DAB1: variants seen among roughly 807,000 people sequenced by gnomAD.
DAB1 encodes disabled homolog 1.
Under a neutral mutation model 64.6 loss-of-function variants are expected in DAB1, and 15 were observed. The observed-to-expected ratio is 0.23, with a 90% CI of 0.16 to 0.36. The LOEUF is 0.36. Ranked by LOEUF, DAB1 falls within the 10% of genes least tolerant of loss-of-function variation. The probability of loss-of-function intolerance (pLI) is 1.00; values close to 1 mark genes in which losing one functional copy is unlikely to be tolerated. For missense variants in DAB1, 596 were observed against 706.7 expected, an observed-to-expected ratio of 0.84 and a Z score of 1.78; for synonymous variants, 235 against 251.9, an observed-to-expected ratio of 0.93 and a Z score of 0.64.
chr1:58,002,667 GTATATATA>G (rs138608788), intron 5 of DAB1, among the ~76,000 whole-genome samples: 2 of 148,720 alleles, frequency 1.3e-5, no homozygotes, highest in Non-Finnish European at 3.0e-5. Context: ...AACACAAGGT[GTATATATA>G]TATATAGAGA....
chr1:57,955,612 T>C (rs1645374466), intron 5 of DAB1, among the ~76,000 whole-genome samples: 1 of 152,088 alleles, frequency 6.6e-6, no homozygotes. Flanking sequence ...ATATGCTTTT[T>C]ACAAATAAGA....
rs10659663 is a variant in DAB1, at chr1:57,430,377, A to ATTTT, written n.626-139215_626-139212dup. ...TACATAAAGCTCTCAAGTTAATACA[A>ATTTT]TTTTTTTTTTTTTTTTGAGACGGAG... is the stretch of plus-strand genomic sequence containing the variant. On this transcript the variant is annotated intron_variant and non_coding_transcript_variant, in intron 7 of 20. Coordinates refer to the DAB1 transcript ENST00000485760. Among the ~76,000 whole-genome samples, 299 of 141,888 alleles carry ATTTT rather than the reference A, an allele frequency of 2.1e-3. 1 individual carries two copies. Among genetic ancestry groups the ATTTT allele is most frequent in the East Asian group, 5.8e-3 (28 of 4,828 alleles). 93.1% of individuals were successfully genotyped at this position (141,888 alleles called of 152,430 possible).
intron 6 of DAB1, among the ~76,000 whole-genome samples, chr1:57,671,177 T>C (rs1462952661): frequency 6.6e-6 from 1 of 152,156 alleles, no homozygotes; most frequent in Non-Finnish European, 1.5e-5. Flanking sequence ...ACTGTGTTTA[T>C]AAAATTTGGT....
At chr1:58,064,177 G>A (rs150321623) in intron 5 of DAB1, among the ~76,000 whole-genome samples, 8 of 152,144 alleles carry the variant, frequency 5.3e-5, no homozygotes, top group African/African-American at 9.7e-5. Context: ...ACGGGGCCTC[G>A]TAGCGCACAT....
At chr1:57,177,319 G>A (rs1488664146) in intron 2 of DAB1, among the ~76,000 whole-genome samples, 1 of 152,078 alleles carries the variant, frequency 6.6e-6, no homozygotes, top group Non-Finnish European at 1.5e-5. Flanking sequence ...TCATCTTTGA[G>A]CACTCCCATG....
intron 5 of DAB1, among the ~76,000 whole-genome samples, chr1:57,979,794 G>A (rs1304859766): frequency 6.6e-6 from 1 of 152,100 alleles, no homozygotes; most frequent in Non-Finnish European, 1.5e-5. Context: ...CTGCAGGTTG[G>A]TTATGTGTCC....
intron 6 of DAB1, among the ~76,000 whole-genome samples, chr1:57,659,712 A>G (rs1016415067): frequency 2.6e-5 from 4 of 152,106 alleles, no homozygotes; most frequent in Non-Finnish European, 5.9e-5. Context: ...GTGGTGGCTC[A>G]CATCTGTAAT....
At chr1:58,296,861 ATCT>A (rs773886069) in intron 4 of DAB1, among the ~76,000 whole-genome samples, 6 of 152,178 alleles carry the variant, frequency 3.9e-5, no homozygotes, top group Non-Finnish European at 7.3e-5. Flanking sequence ...TCTCCATTAT[ATCT>A]TTCAAACAGA....
chr1:57,305,478 G>T (rs1266395067), intron 1 of DAB1, among the ~76,000 whole-genome samples: 1 of 152,194 alleles, frequency 6.6e-6, no homozygotes, highest in East Asian at 1.9e-4. Flanking sequence ...GTCCACACAG[G>T]TCAGCTTCCC....
rs113722255 is a variant in DAB1, at chr1:58,204,203, T to C, written n.310-53615A>G. Among the ~76,000 whole-genome samples the C allele has an allele frequency of 2.8e-4, 42 of 152,192 alleles. 1 individual carries two copies. The highest frequency in any genetic ancestry group is 7.4e-5 in the Non-Finnish European group (5 of 67,998). On this transcript the variant is annotated intron_variant and non_coding_transcript_variant, in intron 4 of 20. Transcript: ENST00000485760. Reference sequence around the variant, plus strand: ...GTCATGAGAGAAAAGTTTGAAAGAATTGGAAATGCAGCTCTTGGAGAATGA... The same window carrying C: ...GTCATGAGAGAAAAGTTTGAAAGAACTGGAAATGCAGCTCTTGGAGAATGA...
At chr1:58,085,264 G>A (rs926413681) in intron 5 of DAB1, among the ~76,000 whole-genome samples, 1 of 152,164 alleles carries the variant, frequency 6.6e-6, no homozygotes, top group African/African-American at 2.4e-5. Context: ...TATAAAGCAA[G>A]GCAAATACTG....
intron 1 of DAB1, among the ~76,000 whole-genome samples, chr1:57,333,664 T>C (rs1177032172): frequency 2.0e-5 from 3 of 152,246 alleles, no homozygotes; most frequent in African/African-American, 4.8e-5. Context: ...CTACAGACTA[T>C]GGTCTGTTGA....
intron 4 of DAB1, among the ~76,000 whole-genome samples, chr1:58,218,965 A>G (rs1279682208): frequency 6.9e-6 from 1 of 144,434 alleles, no homozygotes; most frequent in Non-Finnish European, 1.5e-5. Flanking sequence ...TTTTCTAAGG[A>G]GTAATCCCCC....
At position 57,935,901 on chromosome 1, in the gene DAB1, A is replaced by G. The variant is rs77515823; in HGVS notation, n.388-51739T>C. Among the ~76,000 whole-genome samples the G allele has an allele frequency of 1.6e-3, 240 of 152,324 alleles. 6 individuals are homozygous for G. The East Asian group carries it at 0.044, about 28-fold the overall frequency. On this transcript the variant is annotated intron_variant and non_coding_transcript_variant, in intron 5 of 20. Coordinates refer to the DAB1 transcript ENST00000485760. The stretch of plus-strand genomic sequence containing the variant: ...AGGAGGAAACTTAAAGCAGATCTCA[A>G]TTTTTGCAATGGCCTAATGTTAAAG...
intron 4 of DAB1, among the ~76,000 whole-genome samples, chr1:57,088,722 G>A (rs1653341523): frequency 6.6e-6 from 1 of 152,046 alleles, no homozygotes; most frequent in Non-Finnish European, 1.5e-5. Context: ...AGTCACCTCT[G>A]CACAAATCGG....
chr1:58,297,560 G>A (rs913565711), intron 4 of DAB1, among the ~76,000 whole-genome samples: 4 of 152,030 alleles, frequency 2.6e-5, no homozygotes, highest in Non-Finnish European at 4.4e-5. Context: ...CCACTTCTCC[G>A]CAGGTTCAGG....
At chr1:57,110,369 A>G (rs1655545638) in intron 4 of DAB1, among the ~76,000 whole-genome samples, 1 of 152,154 alleles carries the variant, frequency 6.6e-6, no homozygotes, top group African/African-American at 2.4e-5. Flanking sequence ...AAGCAACCGG[A>G]CACTGTTTTC....
intron 1 of DAB1, among the ~76,000 whole-genome samples, chr1:57,871,031 A>G (rs1643939794): frequency 6.6e-6 from 1 of 152,216 alleles, no homozygotes; most frequent in East Asian, 1.9e-4. Context: ...ACAGATAATC[A>G]TAAAGCACCT....
In DAB1 at chr1:57,973,404, T is replaced by A. The variant is rs1026054305; in HGVS notation, n.388-89242A>T. 2.6e-5 allele frequency among the ~76,000 whole-genome samples: 4 copies of A among 152,344 alleles called. No homozygotes were observed. The South Asian group carries it at 8.3e-4, about 32-fold the overall frequency. On this transcript the variant is annotated intron_variant and non_coding_transcript_variant, in intron 5 of 20. Coordinates refer to the DAB1 transcript ENST00000485760. ...GAACAATGAGATAATAAATTTCTGT[T>A]GTTTTAAACCACCAGATTTGTGGCA...
Sources: allele counts gnomAD v4.1 joint callset (sites outside exome capture counted in the v4.1 genomes callset), GRCh38; gene constraint gnomAD v4.1.1; transcripts MANE v1.5; gene names NCBI Gene and HGNC (gene_info 2026-07-23, HGNC 2026-07-21).